Variants in CABIN1 observed in about 807,000 individuals in gnomAD.
CABIN1 encodes calcineurin binding protein 1.
CABIN1 carries 133 observed loss-of-function variants against 227.7 expected under a neutral mutation model. The observed-to-expected ratio is 0.58, with a 90% CI of 0.51 to 0.67. CABIN1 has a LOEUF of 0.67. Among genes scored for constraint, CABIN1 ranks in the 30% least tolerant of loss-of-function variants. The probability of loss-of-function intolerance (pLI) is 0.00; values close to 1 mark genes in which losing one functional copy is unlikely to be tolerated. For missense variants in CABIN1, 2,408 were observed against 2,852.5 expected (o/e 0.84, Z 3.55); for synonymous variants, 1,086 against 1,155.1 (o/e 0.94, Z 1.21).
rs1176144034 is a variant in CABIN1 at position 24,065,097 on chromosome 22, G to T, written c.2037+910G>T. Among the ~76,000 whole-genome samples the T allele has an allele frequency of 2.4e-3, 366 of 151,958 alleles. 1 individual carries two copies. Among genetic ancestry groups the T allele is most frequent in the Non-Finnish European group, 3.0e-3 (206 of 67,958 alleles). Reference sequence around the variant, plus strand: ...CTCACTTCCCAGTAGGGGCGGCCGGGCAGAGGCGCCCCTCACCTCCCAGAC... The same window carrying T: ...CTCACTTCCCAGTAGGGGCGGCCGGTCAGAGGCGCCCCTCACCTCCCAGAC... On this transcript the variant is annotated intron_variant, in intron 15 of 36. Coordinates refer to ENST00000263119, the MANE Select transcript of CABIN1 (RefSeq NM_012295.4).
At chr22:24,083,731 G>C (rs755414952) in intron 20 of CABIN1, among the ~76,000 whole-genome samples, 1 of 152,132 alleles carries the variant, frequency 6.6e-6, no homozygotes, top group Non-Finnish European at 1.5e-5. Flanking sequence ...TCTGTGAATA[G>C]CCCTGGGTGG....
chr22:24,074,811 C>A (rs930677839), intron 18 of CABIN1, among the ~76,000 whole-genome samples: 3 of 152,158 alleles, frequency 2.0e-5, no homozygotes, highest in Non-Finnish European at 4.4e-5. Flanking sequence ...GAAAACACTG[C>A]AAACTAAATC....
intron 6 of CABIN1, among the ~76,000 whole-genome samples, chr22:24,045,195 C>T (rs554925159): frequency 2.0e-5 from 3 of 152,152 alleles, no homozygotes; most frequent in Non-Finnish European, 2.9e-5. Flanking sequence ...AAGTGCTGGG[C>T]TTATAGGCGT....
chr22:24,015,067 T>C (rs531777034), intron 1 of CABIN1, among the ~76,000 whole-genome samples: 1 of 151,932 alleles, frequency 6.6e-6, no homozygotes, highest in South Asian at 2.1e-4. Context: ...ATTTCAAGAC[T>C]AGCCTGGCCA....
intron 8 of CABIN1, among the ~76,000 whole-genome samples, chr22:24,052,891 G>T (rs1289272832): frequency 6.6e-6 from 1 of 151,998 alleles, no homozygotes; most frequent in East Asian, 1.9e-4. Context: ...AGCAAGGCAC[G>T]AGTAAGGGAA....
At chr22:24,161,060 C>T (rs1288407573) in intron 29 of CABIN1, among the ~76,000 whole-genome samples, 1 of 152,204 alleles carries the variant, frequency 6.6e-6, no homozygotes, top group African/African-American at 2.4e-5. Context: ...AGTCTTAAGG[C>T]TGTAGGCAGG....
chr22:24,013,751 TA>T (rs1177227301), intron 1 of CABIN1, among the ~76,000 whole-genome samples: 1 of 152,212 alleles, frequency 6.6e-6, no homozygotes, highest in African/African-American at 2.4e-5. Context: ...TGCATTTAGT[TA>T]TTTCTCCTTG....
rs116329817 is a variant in CABIN1 at position 24,151,835 on chromosome 22, C to T, written c.4747-12565C>T. ...CATGCACTGCCTACCCACCTCTTGC[C>T]CTCCTCATTCTCCTGTCTGTCCTAG... is the stretch of plus-strand genomic sequence containing the variant. On this transcript the variant is annotated intron_variant, in intron 29 of 36. Coordinates refer to ENST00000263119, the MANE Select transcript of CABIN1 (RefSeq NM_012295.4). 8.4e-3 allele frequency among the ~76,000 whole-genome samples: 1,282 copies of T among 152,290 alleles called. 20 individuals carry two copies. The highest frequency in any genetic ancestry group is 0.029 in the African/African-American group (1,201 of 41,542).
intron 27 of CABIN1, among the ~76,000 whole-genome samples, chr22:24,114,058 TTTGTTGTTGTTGTTG>T (rs695681): frequency 1.8e-3 from 274 of 151,712 alleles, no homozygotes; most frequent in African/African-American, 6.5e-3. Context: ...GTGCTCTGTT[TTTGTTGTTGTTGTTG>T]TTGTTGTTGT....
At chr22:24,111,521 C>A (rs1472518064) in intron 26 of CABIN1, among the ~76,000 whole-genome samples, 1 of 152,200 alleles carries the variant, frequency 6.6e-6, no homozygotes, top group Non-Finnish European at 1.5e-5. Flanking sequence ...AGAATAGTTT[C>A]ATCCTGAAAC....
chr22:24,148,200 A>G (rs980071443), intron 29 of CABIN1, among the ~76,000 whole-genome samples: 1 of 151,842 alleles, frequency 6.6e-6, no homozygotes, highest in Admixed American at 6.6e-5. Context: ...TGGAAGTCCA[A>G]GCAAGGGGCC....
chr22:24,166,607 G>C, intron 31 of CABIN1, 32 bp from the exon 32 acceptor site: 1 of 1,612,456 alleles, frequency 6.2e-7, no homozygotes, highest in Non-Finnish European at 8.5e-7. Flanking sequence ...AGACACCAGC[G>C]ACACAGCTTC....
chr22:24,147,247 C>CCCTG (rs2045178877), intron 29 of CABIN1, among the ~76,000 whole-genome samples: 1 of 143,576 alleles, frequency 7.0e-6, no homozygotes, highest in African/African-American at 2.6e-5. Context: ...CTCCCTCTCT[C>CCCTG]CCTGCCTCCC....
intron 4 of CABIN1, among the ~76,000 whole-genome samples, chr22:24,040,208 C>T (rs2037257196): frequency 6.6e-6 from 1 of 152,144 alleles, no homozygotes; most frequent in Non-Finnish European, 1.5e-5. Context: ...TCTTGGGGGC[C>T]TTTTTGTATG....
In CABIN1 at chr22:24,156,939, G is replaced by A. The variant is rs538726094; in HGVS notation, c.4747-7461G>A. On this transcript the variant is annotated intron_variant, in intron 29 of 36. Coordinates refer to ENST00000263119, the MANE Select transcript of CABIN1 (RefSeq NM_012295.4). The stretch of plus-strand genomic sequence containing the variant: ...TTGGCAGGAGAGGCTGGAAACGAGC[G>A]GGCGCCAGCTGCAGGCAAATTGCAG... 1.6e-4 allele frequency among the ~76,000 whole-genome samples: 24 copies of A among 152,282 alleles called. 1 individual carries two copies. The South Asian group carries it at 5.0e-3, about 32-fold the overall frequency.
intron 27 of CABIN1, among the ~76,000 whole-genome samples, chr22:24,115,001 T>C (rs1203694849): frequency 1.3e-5 from 2 of 152,222 alleles, no homozygotes; most frequent in Non-Finnish European, 2.9e-5. Flanking sequence ...CACTATGCAG[T>C]CGCCAGCCAG....
In CABIN1 at chr22:24,056,266, G is replaced by A. The variant is rs964080524; in HGVS notation, c.1168G>A (p.Ala390Thr). 1 of 1,614,046 alleles carries A rather than the reference G, an allele frequency of 6.2e-7. No homozygotes were observed. The highest frequency in any genetic ancestry group is 8.5e-7 in the Non-Finnish European group (1 of 1,179,932). Residue 390 changes from alanine to threonine, a missense_variant, in exon 10 of 37, where the codon GCA (alanine) becomes ACA (threonine). By Grantham distance (58) the Ala-to-Thr change is moderately conservative. Around this residue, in one of 3 missense-constraint regions of CABIN1, gnomAD observed 1,045 missense variants for 1,168.4 expected, o/e 0.89. Coordinates refer to ENST00000263119, the MANE Select transcript of CABIN1 (RefSeq NM_012295.4). Reference sequence around the variant, plus strand: ...GATTTCAGAAGAGAGTGGAGAAACAGCAAAGCGGCGGTCTGCCCGTGTCCG... The same window carrying A: ...GATTTCAGAAGAGAGTGGAGAAACAACAAAGCGGCGGTCTGCCCGTGTCCG... ...KKISEESGET[A>T]KRRSARVRNT... is the part of the protein sequence containing the mutation.
At position 24,087,493 on chromosome 22, in the gene CABIN1, G is replaced by T; in HGVS notation, c.3305G>T (p.Arg1102Leu). 1.2e-6 allele frequency: 2 copies of T among 1,614,058 alleles called. No individual in the cohort carries two copies. Among genetic ancestry groups the T allele is most frequent in the South Asian group, 1.1e-5 (1 of 91,086 alleles). Residue 1102 changes from arginine to leucine, a missense_variant, in exon 23 of 37, where the codon CGC becomes CTC. Physicochemically the swap from Arg to Leu is moderately radical, Grantham distance 102. Around this residue, in one of 3 missense-constraint regions of CABIN1, gnomAD observed 649 missense variants for 910.3 expected, o/e 0.71. Coordinates refer to ENST00000263119, the MANE Select transcript of CABIN1 (RefSeq NM_012295.4). ...WAGMALARAS[R>L]IQDKLNSNEL... ...GGCATGGCTCTGGCCCGGGCCAGCC[G>T]CATTCAGGACAAGCTGAACTCCAAT...
At chr22:24,107,547 T>G (rs1206599834) in intron 26 of CABIN1, among the ~76,000 whole-genome samples, 1 of 152,170 alleles carries the variant, frequency 6.6e-6, no homozygotes, top group Non-Finnish European at 1.5e-5. Context: ...TGGTCGTTCT[T>G]CAGGGAGCAG....
Sources: gnomAD v4.1 joint callset for allele counts (sites outside exome capture counted in the v4.1 genomes callset) on GRCh38, gnomAD v4.1.1 for gene constraint, gnomAD v4.1.1 regional missense constraint, MANE v1.5 for transcripts, NCBI Gene and HGNC (gene_info 2026-07-23, HGNC 2026-07-21) for gene names.